GLIS1: variants seen among roughly 807,000 people sequenced by gnomAD.
The protein encoded by GLIS1 is zinc finger protein GLIS1.
Under a neutral mutation model 63.8 loss-of-function variants are expected in GLIS1, and 24 were observed. The ratio of observed to expected loss-of-function variants is 0.38; its 90% confidence interval spans 0.27 to 0.53. The LOEUF (loss-of-function observed/expected upper bound fraction) is 0.53. Among genes scored for constraint, GLIS1 ranks in the 20% least tolerant of loss-of-function variants. GLIS1 has a pLI of 0.85. For synonymous variants in GLIS1, 450 were observed against 482.5 expected (o/e 0.93, Z 0.88); for missense variants, 1,036 against 1,074.1 (o/e 0.96, Z 0.50).
chr1:53,526,568 A>AC lies in GLIS1; in HGVS notation c.1483-1682dup, dbSNP rs771925090. On this transcript the variant is annotated intron_variant, in intron 5 of 10. Coordinates refer to ENST00000628545, the MANE Select transcript of GLIS1 (RefSeq NM_001367484.1). This position sits in a 1 kb window ranked among gnomAD's most constrained non-coding sequence, Gnocchi z 4.4. ...ACACACACACAAAACCACCACCACC[A>AC]CACACACACACCACACCATACACAC... Among the ~76,000 whole-genome samples, 404 of 129,112 alleles carry AC rather than the reference A, an allele frequency of 3.1e-3. 1 individual carries two copies. Among genetic ancestry groups the AC allele is most frequent in the African/African-American group, 0.012 (387 of 32,736 alleles). The allele number at this position is 129,112 out of a possible 152,430, so 84.7% of individuals were successfully genotyped here. A position where few individuals can be genotyped will look rare whatever the true frequency, so the allele number is the denominator to read the frequency against.
At chr1:53,582,538 C>A (rs1292176516) in intron 4 of GLIS1, among the ~76,000 whole-genome samples, 3 of 152,142 alleles carry the variant, frequency 2.0e-5, no homozygotes, top group African/African-American at 7.2e-5. Context: ...AAGGGTGTGG[C>A]AGGGGTTGGG....
Position 53,509,296 on chromosome 1 carries a change from G to C in GLIS1, c.2063-9C>G. 6.4e-7 allele frequency: 1 copy of C among 1,557,010 alleles called. No individual in the cohort carries two copies. On this transcript the variant is annotated splice_polypyrimidine_tract_variant and intron_variant, in intron 9 of 10. Coordinates refer to ENST00000628545, the MANE Select transcript of GLIS1 (RefSeq NM_001367484.1). The stretch of plus-strand genomic sequence containing the variant: ...GAAACTGCCCTGGTAACCTGCAGAC[G>C]GGGGTAGCAGGGGCCGCGTTCACAA...
At chr1:53,524,941 G>T (rs1213224314) in intron 5 of GLIS1, 54 bp from the exon 6 acceptor site, 1 of 1,327,618 alleles carries the variant, frequency 7.5e-7, no homozygotes, top group Non-Finnish European at 1.1e-6. Context: ...TACGGGACAC[G>T]CGCCTCCGCG....
intron 1 of GLIS1, 73 bp from the exon 2 acceptor site, chr1:53,738,179 A>G: frequency 1.1e-6 from 1 of 905,502 alleles, no homozygotes; most frequent in Non-Finnish European, 1.4e-6. Context: ...GCCGAGTTTG[A>G]GCAGGTCACT....
chr1:53,538,072 G>T (rs563549193), intron 4 of GLIS1, among the ~76,000 whole-genome samples: 1 of 152,372 alleles, frequency 6.6e-6, no homozygotes, highest in East Asian at 1.9e-4. Flanking sequence ...TCTGGGAGGG[G>T]CCGCTGGCTG....
At chr1:53,517,942 G>A (rs143184777) in intron 7 of GLIS1, among the ~76,000 whole-genome samples, 1,916 of 152,360 alleles carry the variant, frequency 0.013, 44 homozygotes, top group African/African-American at 0.042. Flanking sequence ...CCATGGGACT[G>A]CGAGGGGCAG....
intron 4 of GLIS1, among the ~76,000 whole-genome samples, chr1:53,558,169 AG>A: frequency 6.6e-6 from 1 of 152,338 alleles, no homozygotes; most frequent in African/African-American, 2.4e-5. Flanking sequence ...CTGCCCTCGG[AG>A]GTGCAACAGC....
At chr1:53,561,907 G>A (rs1239295201) in intron 4 of GLIS1, among the ~76,000 whole-genome samples, 2 of 152,198 alleles carry the variant, frequency 1.3e-5, no homozygotes, top group African/African-American at 4.8e-5. Context: ...ACACCCTCGG[G>A]AGGCTGGCTT....
At position 53,691,181 on chromosome 1, in the gene GLIS1, C is replaced by A. The variant is rs75177308; in HGVS notation, c.259+46625G>T. ...GACCAGCCTGGGCAACCCAGCAAGA[C>A]CTCCATCTCTACAAAAAATTTTGTA... On this transcript the variant is annotated intron_variant, in intron 2 of 10. Coordinates refer to ENST00000628545, the MANE Select transcript of GLIS1 (RefSeq NM_001367484.1). Among the ~76,000 whole-genome samples the A allele has an allele frequency of 8.8e-3, 1,344 of 152,250 alleles. 32 individuals are homozygous for A. Among genetic ancestry groups the A allele is most frequent in the African/African-American group, 0.031 (1,288 of 41,548 alleles).
At chr1:53,544,364 C>T (rs1267676870) in intron 4 of GLIS1, among the ~76,000 whole-genome samples, 1 of 152,166 alleles carries the variant, frequency 6.6e-6, no homozygotes, top group African/African-American at 2.4e-5. Flanking sequence ...TGCAGTCCGG[C>T]CCCCGGGGCA....
At chr1:53,533,750 C>T (rs146888552) in intron 4 of GLIS1, among the ~76,000 whole-genome samples, 2 of 151,178 alleles carry the variant, frequency 1.3e-5, no homozygotes, top group African/African-American at 4.9e-5. Flanking sequence ...CTGCCTGCAG[C>T]TGGCTGCCAA....
rs888157886 is a variant in GLIS1, at chr1:53,604,273, C to A, written c.260-3995G>T. On this transcript the variant is annotated intron_variant, in intron 2 of 10. Coordinates refer to ENST00000628545, the MANE Select transcript of GLIS1 (RefSeq NM_001367484.1). ...CTAAGGCCAGACTCAGAAGGACAAACCCTCAAGACTTGGGGTTCAGTACAT... is the reference window on the plus strand; with the variant it reads ...CTAAGGCCAGACTCAGAAGGACAAAACCTCAAGACTTGGGGTTCAGTACAT... 5.3e-5 allele frequency among the ~76,000 whole-genome samples: 8 copies of A among 152,198 alleles called. No homozygotes were observed. The South Asian group carries it at 8.3e-4, about 16-fold the overall frequency.
In GLIS1 at chr1:53,700,485, T is replaced by C. The variant is rs112327478; in HGVS notation, c.259+37321A>G. Among the ~76,000 whole-genome samples, 1,122 of 151,680 alleles carry C rather than the reference T, an allele frequency of 7.4e-3. 21 individuals are homozygous for C. The highest frequency in any genetic ancestry group is 0.024 in the African/African-American group (1,011 of 41,480). On this transcript the variant is annotated intron_variant, in intron 2 of 10. Transcript: ENST00000628545. Reference sequence around the variant, plus strand: ...AAGGATGGAGGGTAACATGAACAAATGCATGGCCTCTGCTCGTGTAAATGC... The same window carrying C: ...AAGGATGGAGGGTAACATGAACAAACGCATGGCCTCTGCTCGTGTAAATGC...
intron 4 of GLIS1, among the ~76,000 whole-genome samples, chr1:53,538,627 G>A (rs76232954): frequency 6.6e-6 from 1 of 152,160 alleles, no homozygotes; most frequent in East Asian, 1.9e-4. Context: ...AGGCCAGGGA[G>A]GGCTGGGGGC....
At chr1:53,691,439 AC>A (rs1646404237) in intron 2 of GLIS1, among the ~76,000 whole-genome samples, 1 of 151,964 alleles carries the variant, frequency 6.6e-6, no homozygotes, top group Non-Finnish European at 1.5e-5. Context: ...TCCTGGGCCC[AC>A]TCTGGACTCC....
intron 2 of GLIS1, among the ~76,000 whole-genome samples, chr1:53,674,200 A>G (rs1205736306): frequency 3.3e-5 from 5 of 151,984 alleles, no homozygotes; most frequent in Non-Finnish European, 1.5e-5. Flanking sequence ...GAAAAGAAAA[A>G]AAAATCCATT....
intron 2 of GLIS1, among the ~76,000 whole-genome samples, chr1:53,629,044 C>T (rs1415770022): frequency 2.0e-5 from 3 of 152,252 alleles, no homozygotes; most frequent in African/African-American, 7.2e-5. Context: ...TCCCAGACTG[C>T]ATGCACATGT....
In GLIS1 at chr1:53,598,176, G is replaced by A. The variant is rs2100543778; in HGVS notation, c.437+1925C>T. ...CAGTTTGACTGTGTTTGGAGACAGAGCCTTTAAATAAATAATTAAGGCTAA... is the reference window on the plus strand; with the variant it reads ...CAGTTTGACTGTGTTTGGAGACAGAACCTTTAAATAAATAATTAAGGCTAA... On this transcript the variant is annotated intron_variant, in intron 3 of 10. Coordinates refer to ENST00000628545, the MANE Select transcript of GLIS1 (RefSeq NM_001367484.1). The surrounding 1 kb of genome is among the most constrained non-coding windows in gnomAD (Gnocchi z 4.6). Among the ~76,000 whole-genome samples, 2 of 152,318 alleles carry A rather than the reference G, an allele frequency of 1.3e-5. No individual in the cohort carries two copies. Among genetic ancestry groups the A allele is most frequent in the East Asian group, 3.9e-4 (2 of 5,188 alleles).
chr1:53,668,403 C>T lies in GLIS1; in HGVS notation c.260-68125G>A, dbSNP rs1296922156. On this transcript the variant is annotated intron_variant, in intron 2 of 10. Transcript: ENST00000628545. The stretch of plus-strand genomic sequence containing the variant: ...TTGAGACAGAGTCTCGCTCTGTCAC[C>T]CAGGCTGCAGTGCAGTGGCATGATC... 2.0e-5 allele frequency among the ~76,000 whole-genome samples: 3 copies of T among 152,142 alleles called. No homozygotes were observed. In the East Asian group the frequency reaches 5.8e-4, roughly 29 times the overall value.
Sources: gnomAD v4.1 joint callset for allele counts (sites outside exome capture counted in the v4.1 genomes callset) on GRCh38, gnomAD v4.1.1 for gene constraint, Gnocchi (gnomAD v3.1) non-coding constraint, MANE v1.5 for transcripts, NCBI Gene and HGNC (gene_info 2026-07-23, HGNC 2026-07-21) for gene names.